Variants in MTX2 observed in about 807,000 individuals in gnomAD.
MTX2 encodes the protein metaxin 2, also known as metaxin-2.
Under a neutral mutation model 42.3 loss-of-function variants are expected in MTX2, and 35 were observed. The ratio of observed to expected loss-of-function variants is 0.83; its 90% CI spans 0.63 to 1.10. The LOEUF (loss-of-function observed/expected upper bound fraction) is 1.10, where lower values mean the gene tolerates loss of function less well. Among genes scored for constraint, MTX2 ranks in the 50% least tolerant of loss-of-function variants. MTX2 has a pLI of 0.00. For missense variants in MTX2, 307 were observed against 304.1 expected, an observed-to-expected ratio of 1.01 and a Z score of -0.07; for synonymous variants, 119 against 100.9, an observed-to-expected ratio of 1.18 and a Z score of -1.08.
chr2:176,295,841 A>G (rs1294541445), intron 1 of MTX2, among the ~76,000 whole-genome samples: 1 of 152,202 alleles, frequency 6.6e-6, no homozygotes, highest in Non-Finnish European at 1.5e-5. Context: ...ATTATATATT[A>G]AAGTTATTTG....
chr2:176,336,877 A>G (rs940944814), intron 9 of MTX2, among the ~76,000 whole-genome samples: 7 of 152,270 alleles, frequency 4.6e-5, no homozygotes, highest in African/African-American at 1.7e-4. Flanking sequence ...GGGTCTTTCA[A>G]GTATCCACAG....
chr2:176,330,590 G>A lies in MTX2; in HGVS notation c.550G>A (p.Glu184Lys), dbSNP rs1162811473. 1 of 1,573,048 alleles carries A rather than the reference G, an allele frequency of 6.4e-7. No individual in the cohort carries two copies. Among genetic ancestry groups the A allele is most frequent in the Admixed American group, 1.7e-5 (1 of 58,372 alleles). ...GGTTCATTGCCTGTGTTAGGTCTTAGAGGATGTAGACCAGTGCTGTCAAGC... is the reference window on the plus strand; with the variant it reads ...GGTTCATTGCCTGTGTTAGGTCTTAAAGGATGTAGACCAGTGCTGTCAAGC... ...WGKKTLDQVLEDVDQCCQALS... is the reference protein window; with the variant it reads ...WGKKTLDQVLKDVDQCCQALS... Residue 184 changes from glutamate (E) to lysine (K), a missense_variant, in exon 9 of 10, where the codon GAG becomes AAG. Physicochemically the swap from Glu to Lys is moderately conservative, Grantham distance 56. Transcript: ENST00000249442.
At chr2:176,289,208 G>A (rs969815692) in intron 1 of MTX2, among the ~76,000 whole-genome samples, 3 of 151,826 alleles carry the variant, frequency 2.0e-5, no homozygotes, top group Non-Finnish European at 4.4e-5. Context: ...TTTGGGTCAC[G>A]GGTGTTGCTT....
At chr2:176,335,234 T>C (rs754198837) in intron 9 of MTX2, among the ~76,000 whole-genome samples, 1 of 152,064 alleles carries the variant, frequency 6.6e-6, no homozygotes. Flanking sequence ...GCAGCAGGAA[T>C]AGTTATAGTC....
intron 1 of MTX2, among the ~76,000 whole-genome samples, chr2:176,286,263 A>T (rs1330063923): frequency 1.3e-5 from 2 of 152,108 alleles, no homozygotes; most frequent in African/African-American, 4.8e-5. Flanking sequence ...CATATTTTGG[A>T]TATATGCTGT....
At chr2:176,333,028 T>A (rs1046556921) in intron 9 of MTX2, among the ~76,000 whole-genome samples, 1 of 151,468 alleles carries the variant, frequency 6.6e-6, no homozygotes, top group Non-Finnish European at 1.5e-5. Context: ...GTTTTTGTTT[T>A]GATATTCAAA....
At chr2:176,329,663 C>T (rs1684807763) in intron 8 of MTX2, among the ~76,000 whole-genome samples, 1 of 150,844 alleles carries the variant, frequency 6.6e-6, no homozygotes, top group Non-Finnish European at 1.5e-5. Flanking sequence ...AATCTCATCA[C>T]CTAGAAAATA....
chr2:176,324,094 AT>A (rs1360499194), intron 4 of MTX2, among the ~76,000 whole-genome samples: 1 of 151,610 alleles, frequency 6.6e-6, no homozygotes, highest in Non-Finnish European at 1.5e-5. Flanking sequence ...AAGCTGATAA[AT>A]AAATGTTATA....
intron 1 of MTX2, among the ~76,000 whole-genome samples, chr2:176,280,138 A>C (rs895912257): frequency 6.6e-6 from 1 of 152,198 alleles, no homozygotes; most frequent in Non-Finnish European, 1.5e-5. Context: ...GTCACTGGGT[A>C]CCAAATCCTG....
intron 1 of MTX2, among the ~76,000 whole-genome samples, chr2:176,291,125 A>G (rs1415647041): frequency 6.6e-6 from 1 of 152,232 alleles, no homozygotes; most frequent in African/African-American, 2.4e-5. Context: ...TATCATGCAC[A>G]TTATAAAACA....
At chr2:176,285,393 A>G (rs1246198181) in intron 1 of MTX2, among the ~76,000 whole-genome samples, 2 of 150,226 alleles carry the variant, frequency 1.3e-5, no homozygotes, top group African/African-American at 2.4e-5. Flanking sequence ...GTATATTTAC[A>G]TAATTGTGTG....
chr2:176,315,500 A>G (rs552959889), intron 3 of MTX2, among the ~76,000 whole-genome samples: 1 of 152,046 alleles, frequency 6.6e-6, no homozygotes, highest in African/African-American at 2.4e-5. Flanking sequence ...AAAGCCTCCT[A>G]ATTAGTTCTC....
chr2:176,312,282 A>G lies in MTX2; in HGVS notation c.136-11110A>G, dbSNP rs191845922. Among the ~76,000 whole-genome samples, 412 of 152,280 alleles carry G rather than the reference A, an allele frequency of 2.7e-3. 4 individuals are homozygous for G. Among genetic ancestry groups the G allele is most frequent in the Non-Finnish European group, 3.8e-3 (257 of 68,020 alleles). On this transcript the variant is annotated intron_variant, in intron 3 of 9. Transcript: ENST00000249442. The stretch of plus-strand genomic sequence containing the variant: ...TTTGCATTTATTTTTAGGAATATCT[A>G]TGGCTTGTTCATTAAGCAAATGTTT...
chr2:176,271,615 A>G (rs1692810052), intron 1 of MTX2, among the ~76,000 whole-genome samples: 1 of 152,182 alleles, frequency 6.6e-6, no homozygotes, highest in African/African-American at 2.4e-5. Context: ...AAAAGTGAAT[A>G]TGATTTCTAG....
At chr2:176,319,946 C>T (rs1400416094) in intron 3 of MTX2, among the ~76,000 whole-genome samples, 3 of 152,062 alleles carry the variant, frequency 2.0e-5, no homozygotes, top group Admixed American at 6.6e-5. Context: ...GCAATGCTCC[C>T]TCCTCGGCCT....
rs1363547005 is a variant in MTX2, at chr2:176,328,232, A to G, written c.286-61A>G. 6 of 1,064,414 alleles carry G rather than the reference A, an allele frequency of 5.6e-6. No homozygotes were observed. In the Admixed American group the frequency reaches 1.6e-4, roughly 28 times the overall value. 65.9% of individuals were successfully genotyped at this position (1,064,414 alleles called of 1,614,324 possible). On this transcript the variant is annotated intron_variant, in intron 5 of 9. Coordinates refer to ENST00000249442, the MANE Select transcript of MTX2 (RefSeq NM_006554.5). ...ATGTTACGTTATTTGTTAGTGAGAT[A>G]ACTGAAAGTTTTTGTATATTTAATA...
chr2:176,271,301 T>G (rs1692800051), intron 1 of MTX2, among the ~76,000 whole-genome samples: 1 of 152,010 alleles, frequency 6.6e-6, no homozygotes, highest in Admixed American at 6.5e-5. Context: ...ATAAAATAAT[T>G]AGAGGAAAAC....
At chr2:176,318,270 A>G (rs914471273) in intron 3 of MTX2, among the ~76,000 whole-genome samples, 4 of 151,946 alleles carry the variant, frequency 2.6e-5, no homozygotes, top group African/African-American at 9.7e-5. Flanking sequence ...TTTTTTTTAA[A>G]GTAAAAAACC....
chr2:176,270,681 G>A (rs1692785403), intron 1 of MTX2, among the ~76,000 whole-genome samples: 1 of 152,146 alleles, frequency 6.6e-6, no homozygotes, highest in African/African-American at 2.4e-5. Flanking sequence ...GTTTTTCACT[G>A]CTTTGCGTTT....
Sources: gnomAD v4.1 joint callset for allele counts (sites outside exome capture counted in the v4.1 genomes callset) on GRCh38, gnomAD v4.1.1 for gene constraint, MANE v1.5 for transcripts, NCBI Gene and HGNC (gene_info 2026-07-23, HGNC 2026-07-21) for gene names.